MED15: variants seen among roughly 807,000 people sequenced by gnomAD.
MED15 encodes the protein mediator of RNA polymerase II transcription subunit 15.
Under a neutral mutation model 118.7 loss-of-function variants are expected in MED15, and 41 were observed. That is an observed-to-expected ratio of 0.35 (90% CI 0.27 to 0.45). MED15 has a LOEUF of 0.45. Among genes scored for constraint, MED15 ranks in the 20% least tolerant of loss-of-function variants. MED15 has a pLI of 1.00. For synonymous variants in MED15, 436 were observed against 413.9 expected (o/e 1.05, Z -0.65); for missense variants, 740 against 1,025.5 (o/e 0.72, Z 3.80).
At chr22:20,513,424 A>C (rs1003162534) in intron 1 of MED15, among the ~76,000 whole-genome samples, 1 of 151,506 alleles carries the variant, frequency 6.6e-6, no homozygotes, top group Admixed American at 6.6e-5. Flanking sequence ...GATTACAGGC[A>C]CCCGCCACCA....
At chr22:20,534,222 C>T (rs1198267580) in intron 1 of MED15, among the ~76,000 whole-genome samples, 1 of 151,976 alleles carries the variant, frequency 6.6e-6, no homozygotes, top group Admixed American at 6.6e-5. Flanking sequence ...GCAAATGCTC[C>T]CCTGCTGTTT....
In MED15 at chr22:20,574,908, C is replaced by G. The variant is rs1027558626; in HGVS notation, c.1153-205C>G. On this transcript the variant is annotated intron_variant, in intron 8 of 17. Coordinates refer to ENST00000263205, the MANE Select transcript of MED15 (RefSeq NM_001003891.3). ...GGAAGCAGCATTCTTGGCAAATCTT[C>G]TAGATTCCCAATGCCCAGACAGACC... The G allele has an allele frequency of 5.8e-6, 4 of 684,638 alleles. No homozygotes were observed. The Admixed American group carries it at 7.3e-5, about 12-fold the overall frequency. 42.4% of individuals were successfully genotyped at this position (684,638 alleles called of 1,614,324 possible).
chr22:20,585,063 C>T (rs757457826), intron 15 of MED15, 38 bp from the exon 16 acceptor site: 17 of 1,613,414 alleles, frequency 1.1e-5, no homozygotes, highest in Middle Eastern at 1.7e-4. Flanking sequence ...AGCCCTGGGC[C>T]GCGTGTGCCA....
At chr22:20,581,176 C>T (rs528269534) in intron 9 of MED15, among the ~76,000 whole-genome samples, 2 of 152,318 alleles carry the variant, frequency 1.3e-5, no homozygotes, top group East Asian at 3.9e-4. Context: ...CACCCAGCAT[C>T]CCTTGCAGCA....
At chr22:20,547,814 C>T (rs948069290) in intron 2 of MED15, among the ~76,000 whole-genome samples, 1 of 151,832 alleles carries the variant, frequency 6.6e-6, no homozygotes, top group Admixed American at 6.6e-5. Flanking sequence ...CAGAGTGAGA[C>T]TCCATCTAAA....
At chr22:20,532,173 G>A (rs751490367) in intron 1 of MED15, among the ~76,000 whole-genome samples, 9 of 152,202 alleles carry the variant, frequency 5.9e-5, no homozygotes, top group African/African-American at 2.2e-4. Context: ...GGAGACAGAG[G>A]CCCTTTGGGA....
chr22:20,563,336 T>C (rs1306937408), intron 5 of MED15, among the ~76,000 whole-genome samples: 1 of 152,184 alleles, frequency 6.6e-6, no homozygotes, highest in Non-Finnish European at 1.5e-5. Context: ...TGTGAGGTGC[T>C]TGTACCATGG....
intron 1 of MED15, among the ~76,000 whole-genome samples, chr22:20,520,633 A>G (rs2054412802): frequency 6.6e-6 from 1 of 151,972 alleles, no homozygotes; most frequent in Non-Finnish European, 1.5e-5. Context: ...CCACCAGAGA[A>G]CTGTTGATAC....
At chr22:20,521,648 G>A (rs1249387961) in intron 1 of MED15, among the ~76,000 whole-genome samples, 1 of 150,118 alleles carries the variant, frequency 6.7e-6, no homozygotes, top group Non-Finnish European at 1.5e-5. Context: ...CCCCTACCTC[G>A]GCCTCCCAAA....
intron 1 of MED15, among the ~76,000 whole-genome samples, chr22:20,530,584 A>C (rs955190915): frequency 6.7e-6 from 1 of 149,224 alleles, no homozygotes; most frequent in African/African-American, 2.5e-5. Context: ...TGGCAGGGGG[A>C]GCAGTGGTAA....
intron 5 of MED15, among the ~76,000 whole-genome samples, chr22:20,558,286 T>C (rs1482775872): frequency 1.3e-5 from 2 of 152,062 alleles, no homozygotes; most frequent in Non-Finnish European, 2.9e-5. Context: ...TACTGCATGA[T>C]TAAGGCCCTT....
chr22:20,579,890 T>A (rs959682086), intron 9 of MED15, among the ~76,000 whole-genome samples: 2 of 152,042 alleles, frequency 1.3e-5, no homozygotes, highest in African/African-American at 4.8e-5. Context: ...GTGACATTCT[T>A]GTCCTGGGGC....
At chr22:20,516,087 C>T (rs1247867652) in intron 1 of MED15, among the ~76,000 whole-genome samples, 2 of 151,830 alleles carry the variant, frequency 1.3e-5, no homozygotes, top group Admixed American at 6.6e-5. Context: ...GAGGCTGAGG[C>T]GGGCGGATCA....
At chr22:20,554,806 C>G in intron 4 of MED15, 130 bp from the exon 5 acceptor site, 1 of 879,226 alleles carries the variant, frequency 1.1e-6, no homozygotes, top group Non-Finnish European at 1.7e-6. Flanking sequence ...TAGTCTCTTA[C>G]TGCTTGGGGC....
At chr22:20,512,371 C>T (rs997145) in intron 1 of MED15, among the ~76,000 whole-genome samples, 9,173 of 151,982 alleles carry the variant, frequency 0.06, 642 homozygotes, top group East Asian at 0.38. Context: ...CCACTGTATT[C>T]ATGACTAGCT....
chr22:20,508,481 G>A, intron 1 of MED15: 1 of 1,175,666 alleles, frequency 8.5e-7, no homozygotes, highest in Non-Finnish European at 1.1e-6. Context: ...CTGGGTGCAG[G>A]TGGGCTGAGT....
chr22:20,550,854 C>T (rs1197393843), intron 2 of MED15: 2 of 324,474 alleles, frequency 6.2e-6, no homozygotes, highest in Non-Finnish European at 1.2e-5. Flanking sequence ...TGGCCTTCAC[C>T]TCACCTGAGA....
chr22:20,586,949 C>T lies in MED15; in HGVS notation c.*245C>T. 1.7e-6 allele frequency: 1 copy of T among 577,810 alleles called. No individual in the cohort carries two copies. The highest frequency in any genetic ancestry group is 3.0e-6 in the Non-Finnish European group (1 of 329,330). 35.8% of individuals were successfully genotyped at this position (577,810 alleles called of 1,614,324 possible). A position where few individuals can be genotyped will look rare whatever the true frequency, so the allele number is the denominator to read the frequency against. ...TAGAGAAGGCCCTCCATGTGACTTC[C>T]TCCCAGGAGCCAGATGCGATCCTCA... On this transcript the variant is annotated 3_prime_UTR_variant, in exon 18 of 18. Coordinates refer to ENST00000263205, the MANE Select transcript of MED15 (RefSeq NM_001003891.3).
chr22:20,510,009 A>G (rs1450632129), intron 1 of MED15, among the ~76,000 whole-genome samples: 1 of 152,066 alleles, frequency 6.6e-6, no homozygotes, highest in African/African-American at 2.4e-5. Flanking sequence ...GGGAGAATTG[A>G]GTTCTTTATT....
Sources: allele counts gnomAD v4.1 joint callset (sites outside exome capture counted in the v4.1 genomes callset), GRCh38; gene constraint gnomAD v4.1.1; transcripts MANE v1.5; gene names NCBI Gene and HGNC (gene_info 2026-07-23, HGNC 2026-07-21).